LHX4: variants seen among roughly 807,000 people sequenced by gnomAD.
LHX4 encodes LIM homeobox 4, also known as LIM/homeobox protein Lhx4.
Under a neutral mutation model 39.2 loss-of-function variants are expected in LHX4, and 16 were observed. The observed-to-expected ratio is 0.41, with a 90% confidence interval of 0.28 to 0.62. LHX4 has a LOEUF of 0.62. LHX4 is among the 20% of genes least tolerant of loss of function. The pLI, the probability that LHX4 is intolerant of heterozygous loss-of-function variation, is 0.33. For missense variants in LHX4, 439 were observed against 511.9 expected, an observed-to-expected ratio of 0.86 and a Z score of 1.37; for synonymous variants, 206 against 198.1, an observed-to-expected ratio of 1.04 and a Z score of -0.33.
At chr1:180,231,462 T>A (rs1664176686) in intron 1 of LHX4, among the ~76,000 whole-genome samples, 1 of 150,798 alleles carries the variant, frequency 6.6e-6, no homozygotes, top group South Asian at 2.1e-4. Flanking sequence ...CGCGCAGAGA[T>A]TTTCCCGAAG....
rs780118212 is a variant in LHX4, at chr1:180,275,038, T to C, written c.*459T>C. The C allele has an allele frequency of 6.4e-6, 1 of 156,448 alleles. No individual in the cohort carries two copies. Among genetic ancestry groups the C allele is most frequent in the Non-Finnish European group, 1.4e-5 (1 of 71,094 alleles). The allele number at this position is 156,448 out of a possible 1,614,324, so 9.7% of individuals were successfully genotyped here. ...TCACAGCCCTTGAGTAAAATAAAAGTGATTTCTGGACCATCCTTATTGAAC... is the reference window on the plus strand; with the variant it reads ...TCACAGCCCTTGAGTAAAATAAAAGCGATTTCTGGACCATCCTTATTGAAC... On this transcript the variant is annotated 3_prime_UTR_variant, in exon 6 of 6. Coordinates refer to ENST00000263726, the MANE Select transcript of LHX4 (RefSeq NM_033343.4).
rs993400149 is a variant in LHX4, at chr1:180,278,087, C to T, written c.*3508C>T. On this transcript the variant is annotated 3_prime_UTR_variant, in exon 6 of 6. Transcript: ENST00000263726. ...CAAAGGCTGTGTGTTGTATGACAGT[C>T]CACTCTCTGCACCTACACTTCCACG... The T allele has an allele frequency of 2.0e-5, 3 of 152,206 alleles. No homozygotes were observed. Among genetic ancestry groups the T allele is most frequent in the African/African-American group, 7.2e-5 (3 of 41,456 alleles). 9.4% of individuals were successfully genotyped at this position (152,206 alleles called of 1,614,324 possible).
In LHX4 at chr1:180,274,606, C is replaced by T; in HGVS notation, c.*27C>T. 6.5e-7 allele frequency: 1 copy of T among 1,529,606 alleles called. No homozygotes were observed. The allele number at this position is 1,529,606 out of a possible 1,614,324, so 94.8% of individuals were successfully genotyped here. On this transcript the variant is annotated 3_prime_UTR_variant, in exon 6 of 6. Coordinates refer to ENST00000263726, the MANE Select transcript of LHX4 (RefSeq NM_033343.4). ...CTTCTCTCCTCCCCACCCTACCTGC[C>T]CCCCTGGCTTGAGAGAATATCTTCA...
In LHX4 at chr1:180,271,496, C is replaced by T. The variant is rs1260643048; in HGVS notation, c.568C>T (p.Leu190=). Residue 190 remains leucine (L), a synonymous_variant, in exon 4 of 6, where the codon CTG becomes TTG. Coordinates refer to ENST00000263726, the MANE Select transcript of LHX4 (RefSeq NM_033343.4). Reference sequence around the variant, plus strand: ...GCCTGCCCGGCACGTGAGGGAGCAGCTGTCCTCAGAGACAGGCCTGGACAT... The same window carrying T: ...GCCTGCCCGGCACGTGAGGGAGCAGTTGTCCTCAGAGACAGGCCTGGACAT... ...PKPARHVREQ[L]SSETGLDMRV... is the part of the protein sequence containing the mutation. 1 of 1,614,182 alleles carries T rather than the reference C, an allele frequency of 6.2e-7. No homozygotes were observed. The highest frequency in any genetic ancestry group is 8.5e-7 in the Non-Finnish European group (1 of 1,180,028).
At chr1:180,248,513 G>C in intron 2 of LHX4, 57 bp downstream of exon 2, 1 of 1,594,572 alleles carries the variant, frequency 6.3e-7, no homozygotes, top group Non-Finnish European at 8.6e-7. Flanking sequence ...TCCCCAAGCA[G>C]TGAGGGGGAA....
chr1:180,241,215 G>A (rs1263128653), intron 1 of LHX4, among the ~76,000 whole-genome samples: 3 of 152,196 alleles, frequency 2.0e-5, no homozygotes, highest in Non-Finnish European at 2.9e-5. Flanking sequence ...GAGTCTGCCA[G>A]ATCCCTTTAT....
At chr1:180,238,179 A>T (rs1221125085) in intron 1 of LHX4, among the ~76,000 whole-genome samples, 1 of 152,224 alleles carries the variant, frequency 6.6e-6, no homozygotes, top group Non-Finnish European at 1.5e-5. Context: ...TCTCCAGTTT[A>T]CTTTTGAATT....
intron 2 of LHX4, among the ~76,000 whole-genome samples, chr1:180,257,240 A>G (rs969625126): frequency 6.6e-6 from 1 of 152,214 alleles, no homozygotes; most frequent in Admixed American, 6.5e-5. Context: ...CTCCTCTGTG[A>G]AATTAGGGCC....
At chr1:180,271,573 G>A in intron 4 of LHX4, 39 bp downstream of exon 4, 1 of 1,611,408 alleles carries the variant, frequency 6.2e-7, no homozygotes, top group Non-Finnish European at 8.5e-7. Context: ...GGGGATCCCA[G>A]GCCCGGGACA....
chr1:180,256,051 C>T (rs1647843335), intron 2 of LHX4, among the ~76,000 whole-genome samples: 1 of 152,226 alleles, frequency 6.6e-6, no homozygotes, highest in Non-Finnish European at 1.5e-5. Flanking sequence ...TCTCCTCACC[C>T]CTACCCTGGC....
rs1664277355 is a variant in LHX4, at chr1:180,234,972, C to T, written c.76+4367C>T. 6.6e-6 allele frequency among the ~76,000 whole-genome samples: 1 copy of T among 152,190 alleles called. No individual in the cohort carries two copies. Among genetic ancestry groups the T allele is most frequent in the African/African-American group, 2.4e-5 (1 of 41,460 alleles). ...GAATTCTTTAAATGAGCGTTTGCTG[C>T]GCACCCATGGGCGGCTCACGATCCT... is the stretch of plus-strand genomic sequence containing the variant. On this transcript the variant is annotated intron_variant, in intron 1 of 5. Transcript: ENST00000263726. This position sits in a 1 kb window ranked among gnomAD's most constrained non-coding sequence, Gnocchi z 4.8.
chr1:180,278,014 GATTTCCAACTGCCTCTTT>G lies in LHX4; in HGVS notation c.*3437_*3454del, dbSNP rs1268012113. On this transcript the variant is annotated 3_prime_UTR_variant, in exon 6 of 6. Coordinates refer to ENST00000263726, the MANE Select transcript of LHX4 (RefSeq NM_033343.4). The stretch of plus-strand genomic sequence containing the variant: ...TCCTATCTCAGAAGCTCAAACTGGT[GATTTCCAACTGCCTCTTT>G]ACAGGAGGGGGCTCAAGGCTTCTGA... The G allele has an allele frequency of 2.6e-5, 4 of 152,170 alleles. No homozygotes were observed. The highest frequency in any genetic ancestry group is 6.5e-5 in the Admixed American group (1 of 15,276). 9.4% of individuals were successfully genotyped at this position (152,170 alleles called of 1,614,324 possible).
In LHX4 at chr1:180,234,198, TATATATATATATATATATATATA is replaced by T. The variant is rs1558207187; in HGVS notation, c.76+3597_76+3619del. Among the ~76,000 whole-genome samples, 148 of 88,270 alleles carry T rather than the reference TATATATATATATATATATATATA, an allele frequency of 1.7e-3. 2 individuals carry two copies. Among genetic ancestry groups the T allele is most frequent in the East Asian group, 7.8e-3 (16 of 2,040 alleles). The allele number at this position is 88,270 out of a possible 152,430, so 57.9% of individuals were successfully genotyped here. A position where few individuals can be genotyped will look rare whatever the true frequency, so the allele number is the denominator to read the frequency against. ...ATATATATATATATATATATATATA[TATATATATATATATATATATATA>T]ATAGATTGAGATTCTATCATATTCC... On this transcript the variant is annotated intron_variant, in intron 1 of 5. Transcript: ENST00000263726. The surrounding 1 kb of genome is among the most constrained non-coding windows in gnomAD (Gnocchi z 4.8).
intron 5 of LHX4, 113 bp from the exon 6 acceptor site, chr1:180,274,072 C>A: frequency 7.4e-7 from 1 of 1,344,536 alleles, no homozygotes. Context: ...GGCTGCAAGG[C>A]AGCTGCCATC....
chr1:180,238,908 A>G (rs1000566986), intron 1 of LHX4, among the ~76,000 whole-genome samples: 5 of 152,184 alleles, frequency 3.3e-5, no homozygotes, highest in East Asian at 1.9e-4. Context: ...CTGCGTGGGG[A>G]CTGCATGGAT....
upstream of LHX4, among the ~76,000 whole-genome samples, chr1:180,229,971 G>GGCGGGGGGGT (rs1553278107): frequency 7.1e-6 from 1 of 141,660 alleles, no homozygotes; most frequent in Non-Finnish European, 1.6e-5. Context: ...GGGAGGGGGG[G>GGCGGGGGGGT]GGGGTGCCGG....
At chr1:180,257,311 C>T (rs1038492983) in intron 2 of LHX4, among the ~76,000 whole-genome samples, 3 of 152,146 alleles carry the variant, frequency 2.0e-5, no homozygotes, top group Non-Finnish European at 2.9e-5. Flanking sequence ...ATGATAATAT[C>T]GAATATTCTT....
At position 180,244,412 on chromosome 1, in the gene LHX4, C is replaced by T. The variant is rs186899147; in HGVS notation, c.77-3873C>T. 7.7e-3 allele frequency among the ~76,000 whole-genome samples: 1,179 copies of T among 152,176 alleles called. 20 individuals carry two copies. Among genetic ancestry groups the T allele is most frequent in the African/African-American group, 0.027 (1,103 of 41,516 alleles). On this transcript the variant is annotated intron_variant, in intron 1 of 5. Coordinates refer to ENST00000263726, the MANE Select transcript of LHX4 (RefSeq NM_033343.4). ...CAGCGCGGATCCTTTCCTCCAAGCT[C>T]GAGGCTGAAACGACTTGTCTGTCTG...
At chr1:180,273,085 G>C (rs922052490) in intron 5 of LHX4, 3 of 152,286 alleles carry the variant, frequency 2.0e-5, no homozygotes, top group Non-Finnish European at 2.9e-5. Flanking sequence ...GGAATGGGGG[G>C]CAGGCCTCAG....
Sources: allele counts gnomAD v4.1 joint callset (sites outside exome capture counted in the v4.1 genomes callset), GRCh38; gene constraint gnomAD v4.1.1; non-coding constraint Gnocchi (gnomAD v3.1); transcripts MANE v1.5; gene names NCBI Gene and HGNC (gene_info 2026-07-23, HGNC 2026-07-21).